Variants in GALNTL6 observed in about 807,000 individuals in gnomAD.
GALNTL6 encodes polypeptide N-acetylgalactosaminyltransferase-like 6.
A neutral mutation model predicts 73.7 loss-of-function variants in GALNTL6; 46 were observed. The ratio of observed to expected loss-of-function variants is 0.62; its 90% CI spans 0.49 to 0.80. GALNTL6 has a LOEUF of 0.80. GALNTL6 is among the 30% of genes least tolerant of loss of function. GALNTL6 has a pLI of 0.00. For synonymous variants in GALNTL6, 259 were observed against 263.7 expected (o/e 0.98, Z 0.17); for missense variants, 604 against 755.0 (o/e 0.80, Z 2.34).
intron 8 of GALNTL6, among the ~76,000 whole-genome samples, chr4:172,927,578 T>G (rs764507901): frequency 5.3e-5 from 8 of 152,056 alleles, no homozygotes; most frequent in Non-Finnish European, 1.0e-4. Context: ...CTGTGATATA[T>G]GGAGTCTCGG....
At chr4:172,094,006 G>A (rs1732280900) in intron 2 of GALNTL6, among the ~76,000 whole-genome samples, 1 of 152,172 alleles carries the variant, frequency 6.6e-6, no homozygotes, top group African/African-American at 2.4e-5. Flanking sequence ...CCGGTCTGTG[G>A]AAAAATTGTC....
At chr4:172,052,630 G>A (rs915485647) in intron 2 of GALNTL6, 11 of 679,550 alleles carry the variant, frequency 1.6e-5, no homozygotes, top group South Asian at 8.0e-5. Context: ...TTAGGGTCAC[G>A]TAGTCTCACC....
intron 5 of GALNTL6, among the ~76,000 whole-genome samples, chr4:172,488,038 G>T (rs1223238959): frequency 2.6e-5 from 4 of 151,944 alleles, no homozygotes; most frequent in African/African-American, 9.7e-5. Context: ...TACTATTATT[G>T]TACTCTCAAG....
At chr4:172,990,721 T>G (rs1751503060) in intron 10 of GALNTL6, among the ~76,000 whole-genome samples, 1 of 152,194 alleles carries the variant, frequency 6.6e-6, no homozygotes, top group Admixed American at 6.5e-5. Context: ...AATCTTAGTA[T>G]AGCCACAATT....
intron 2 of GALNTL6, among the ~76,000 whole-genome samples, chr4:171,853,993 A>G (rs1433709900): frequency 6.6e-6 from 1 of 152,162 alleles, no homozygotes; most frequent in African/African-American, 2.4e-5. Context: ...ACTGGAAATA[A>G]ACTAAGAAAT....
intron 3 of GALNTL6, among the ~76,000 whole-genome samples, chr4:172,296,261 C>A (rs1044661581): frequency 6.6e-6 from 1 of 151,976 alleles, no homozygotes; most frequent in African/African-American, 2.4e-5. Flanking sequence ...CTGTGGTGAA[C>A]TATGTATTTA....
chr4:172,216,651 A>G (rs1412213910), intron 2 of GALNTL6, among the ~76,000 whole-genome samples: 1 of 151,980 alleles, frequency 6.6e-6, no homozygotes, highest in East Asian at 1.9e-4. Context: ...TTTATCTCTC[A>G]GTTTTGGATG....
intron 8 of GALNTL6, among the ~76,000 whole-genome samples, chr4:172,915,880 TC>T (rs1426196353): frequency 2.6e-5 from 4 of 152,134 alleles, no homozygotes; most frequent in African/African-American, 9.7e-5. Context: ...GAGGGAATCT[TC>T]CCTAACTCAT....
At chr4:172,941,658 A>C (rs1748928167) in intron 9 of GALNTL6, among the ~76,000 whole-genome samples, 1 of 152,188 alleles carries the variant, frequency 6.6e-6, no homozygotes, top group African/African-American at 2.4e-5. Flanking sequence ...AGAGCCTCAT[A>C]AAGGAGAATG....
At chr4:172,392,091 C>T (rs1302974020) in intron 5 of GALNTL6, among the ~76,000 whole-genome samples, 17 of 151,980 alleles carry the variant, frequency 1.1e-4, no homozygotes, top group Admixed American at 8.5e-4. Flanking sequence ...TGGGTTCAAG[C>T]GATTCTCCTG....
At chr4:172,116,518 C>A (rs899450261) in intron 2 of GALNTL6, among the ~76,000 whole-genome samples, 1 of 152,100 alleles carries the variant, frequency 6.6e-6, no homozygotes, top group Non-Finnish European at 1.5e-5. Flanking sequence ...GATCCACCCA[C>A]CTCACCTTCC....
At chr4:171,903,178 C>T (rs538268010) in intron 2 of GALNTL6, among the ~76,000 whole-genome samples, 3 of 152,242 alleles carry the variant, frequency 2.0e-5, no homozygotes, top group Admixed American at 6.5e-5. Flanking sequence ...GTCTGCAGCT[C>T]CCAGCGTGAG....
intron 4 of GALNTL6, among the ~76,000 whole-genome samples, chr4:172,340,466 G>A (rs970975255): frequency 6.6e-6 from 1 of 152,078 alleles, no homozygotes; most frequent in Non-Finnish European, 1.5e-5. Context: ...TTCTTGTGGT[G>A]TCTTTGCCCA....
At chr4:173,011,063 G>A (rs1752533229) in intron 11 of GALNTL6, among the ~76,000 whole-genome samples, 1 of 152,168 alleles carries the variant, frequency 6.6e-6, no homozygotes, top group South Asian at 2.1e-4. Flanking sequence ...ACTGGGGTGA[G>A]ATGATAACTC....
At chr4:171,937,751 A>T (rs894425593) in intron 2 of GALNTL6, among the ~76,000 whole-genome samples, 1 of 152,310 alleles carries the variant, frequency 6.6e-6, no homozygotes, top group Non-Finnish European at 1.5e-5. Context: ...TAGGCAAATG[A>T]AAAGTAGCGA....
intron 2 of GALNTL6, among the ~76,000 whole-genome samples, chr4:171,843,950 T>C (rs1240983807): frequency 6.6e-6 from 1 of 152,194 alleles, no homozygotes; most frequent in East Asian, 1.9e-4. Flanking sequence ...CTCCTTTCTA[T>C]AAATTTCTGC....
intron 5 of GALNTL6, among the ~76,000 whole-genome samples, chr4:172,396,498 G>A (rs532229068): frequency 6.6e-6 from 1 of 152,202 alleles, no homozygotes; most frequent in South Asian, 2.1e-4. Context: ...TTATGGAAGT[G>A]CAAGCCAAGT....
intron 10 of GALNTL6, among the ~76,000 whole-genome samples, chr4:173,002,258 T>C (rs1752075293): frequency 6.6e-6 from 1 of 151,466 alleles, no homozygotes; most frequent in Non-Finnish European, 1.5e-5. Flanking sequence ...GGTGTGGTGG[T>C]GCACACCTGT....
In GALNTL6 at chr4:172,967,298, G is replaced by C. The variant is rs553254750; in HGVS notation, c.1371+15040G>C. Among the ~76,000 whole-genome samples the C allele has an allele frequency of 2.0e-5, 3 of 152,240 alleles. No homozygotes were observed. In the South Asian group the frequency reaches 6.2e-4, roughly 32 times the overall value. On this transcript the variant is annotated intron_variant, in intron 10 of 12. Transcript: ENST00000506823. ...TTATTGCCCAGTCGAAATGATGCCTGATCAATTTCTGGAAAGGATGGCCTA... is the reference window on the plus strand; with the variant it reads ...TTATTGCCCAGTCGAAATGATGCCTCATCAATTTCTGGAAAGGATGGCCTA...
Sources: allele counts gnomAD v4.1 joint callset (sites outside exome capture counted in the v4.1 genomes callset), GRCh38; gene constraint gnomAD v4.1.1; transcripts MANE v1.5; gene names NCBI Gene and HGNC (gene_info 2026-07-23, HGNC 2026-07-21).